The following COP1 variants were observed in gnomAD, a reference collection of about 807,000 sequenced individuals.
COP1 encodes COP1 E3 ubiquitin ligase, also known as E3 ubiquitin-protein ligase COP1.
Under a neutral mutation model 101.3 loss-of-function variants are expected in COP1, and 24 were observed. That is an observed-to-expected ratio of 0.24 (90% CI 0.17 to 0.33). The LOEUF is 0.33. Among genes scored for constraint, COP1 ranks in the 10% least tolerant of loss-of-function variants. COP1 has a pLI of 1.00. For synonymous variants in COP1, 347 were observed against 341.9 expected, an observed-to-expected ratio of 1.01 and a Z score of -0.17; for missense variants, 663 against 906.2, an observed-to-expected ratio of 0.73 and a Z score of 3.45.
At chr1:175,951,437 A>AAAATATATATATATATATATAT (rs1320545568) in intron 18 of COP1, among the ~76,000 whole-genome samples, 3 of 108,020 alleles carry the variant, frequency 2.8e-5, no homozygotes, top group Non-Finnish European at 5.8e-5. Context: ...AAGATACGTG[A>AAAATATATATATATATATATAT]ATATATATAT....
chr1:176,189,353 TTTCA>T (rs1195428634), intron 1 of COP1, among the ~76,000 whole-genome samples: 2 of 152,100 alleles, frequency 1.3e-5, no homozygotes, highest in Non-Finnish European at 2.9e-5. Flanking sequence ...TCTGGCTTGC[TTTCA>T]TTGTTTCTAG....
chr1:176,074,427 T>C (rs923397956), intron 11 of COP1, among the ~76,000 whole-genome samples: 2 of 152,136 alleles, frequency 1.3e-5, no homozygotes, highest in African/African-American at 2.4e-5. Flanking sequence ...TCATCTCTCA[T>C]GCCTAAGAAA....
chr1:176,173,806 G>A lies in COP1; in HGVS notation c.565+2104C>T, dbSNP rs568686400. On this transcript the variant is annotated intron_variant, in intron 3 of 19. Transcript: ENST00000367669. ...AGTTCGAGACCAGCCTATCCAACATGGTGAAACCCCGTCTCTACTAAAAAC... is the reference window on the plus strand; with the variant it reads ...AGTTCGAGACCAGCCTATCCAACATAGTGAAACCCCGTCTCTACTAAAAAC... 6.6e-5 allele frequency among the ~76,000 whole-genome samples: 10 copies of A among 151,550 alleles called. No individual in the cohort carries two copies. The South Asian group carries it at 2.1e-3, about 32-fold the overall frequency.
At position 176,027,674 on chromosome 1, in the gene COP1, T is replaced by C; in HGVS notation, c.1627A>G (p.Thr543Ala). The change falls in exon 15 of 20, where the codon ACC becomes GCC. Residue 543 changes from threonine (T) to alanine (A), a missense_variant. Thr to Ala is a moderately conservative substitution (Grantham distance 58). This residue lies in a region of COP1 where 209 missense variants were observed against 383.3 expected (regional missense o/e 0.55). Coordinates refer to ENST00000367669, the MANE Select transcript of COP1 (RefSeq NM_022457.7). ...SDDAKVKLWS[T>A]NLDNSVASIE... ...CTTGCCACTGAGTTGTCTAGATTGG[T>C]AGACCACAGCTTCACTAAGGGCAAA... The C allele has an allele frequency of 6.2e-7, 1 of 1,608,000 alleles. No homozygotes were observed. The highest frequency in any genetic ancestry group is 1.1e-5 in the South Asian group (1 of 90,908).
At chr1:175,964,710 T>G (rs1651784435) in intron 18 of COP1, among the ~76,000 whole-genome samples, 1 of 152,244 alleles carries the variant, frequency 6.6e-6, no homozygotes, top group Admixed American at 6.5e-5. Context: ...GGTAAATCAC[T>G]ATGAACAACA....
At chr1:176,137,933 G>A (rs535315850) in intron 6 of COP1, among the ~76,000 whole-genome samples, 3 of 152,132 alleles carry the variant, frequency 2.0e-5, no homozygotes, top group Non-Finnish European at 4.4e-5. Flanking sequence ...CAGTCTAGGG[G>A]AGATGGCAAA....
At chr1:176,012,340 G>A (rs1664834154) in intron 15 of COP1, among the ~76,000 whole-genome samples, 1 of 152,132 alleles carries the variant, frequency 6.6e-6, no homozygotes, top group African/African-American at 2.4e-5. Context: ...TGACTTGGCT[G>A]ATCTTGAACT....
intron 11 of COP1, among the ~76,000 whole-genome samples, chr1:176,052,821 T>C (rs958725985): frequency 4.6e-5 from 7 of 152,184 alleles, no homozygotes; most frequent in Non-Finnish European, 7.4e-5. Context: ...ACATCATATA[T>C]ACTGATTTGC....
intron 15 of COP1, among the ~76,000 whole-genome samples, chr1:176,007,380 C>A (rs1295303963): frequency 6.6e-6 from 1 of 152,220 alleles, no homozygotes; most frequent in Non-Finnish European, 1.5e-5. Flanking sequence ...TGTTCCGTTG[C>A]TGGTGAGGAA....
chr1:176,151,361 G>GAAAGAAAGAAAAATAAAGAAAGAAAAAGA (rs1692487060), intron 5 of COP1, among the ~76,000 whole-genome samples: 1 of 56,806 alleles, frequency 1.8e-5, no homozygotes, highest in African/African-American at 4.5e-5. Context: ...GAAAAAGAAA[G>GAAAGAAAGAAAAATAAAGAAAGAAAAAGA]AAAGAAAGAA....
At chr1:176,159,443 G>C (rs78420545) in intron 5 of COP1, among the ~76,000 whole-genome samples, 1 of 152,100 alleles carries the variant, frequency 6.6e-6, no homozygotes, top group South Asian at 2.1e-4. Flanking sequence ...ATCCACAGAA[G>C]AGCAATCTGT....
At chr1:176,013,948 CATTG>C (rs1294530477) in intron 15 of COP1, among the ~76,000 whole-genome samples, 2 of 152,110 alleles carry the variant, frequency 1.3e-5, no homozygotes, top group Non-Finnish European at 2.9e-5. Flanking sequence ...ATTTTATAAT[CATTG>C]ATTAAGAGTT....
At chr1:176,074,446 T>C (rs1317703920) in intron 11 of COP1, among the ~76,000 whole-genome samples, 1 of 152,118 alleles carries the variant, frequency 6.6e-6, no homozygotes, top group South Asian at 2.1e-4. Context: ...AACTTTAAAA[T>C]TGGAATTTTT....
rs1355321390 is a variant in COP1 at position 176,056,298 on chromosome 1, AT to A, written c.1278-9975del. ...TTTGTATATGTGTTCTAGTTTGTTA[AT>A]TATGTTATTTAGGGCTTCTACAGTT... On this transcript the variant is annotated intron_variant, in intron 11 of 19. Transcript: ENST00000367669. 2.6e-5 allele frequency among the ~76,000 whole-genome samples: 4 copies of A among 152,272 alleles called. No individual in the cohort carries two copies. In the East Asian group the frequency reaches 7.7e-4, roughly 29 times the overall value.
intron 18 of COP1, 110 bp from the exon 19 acceptor site, chr1:175,947,349 T>C: frequency 1.3e-6 from 1 of 779,974 alleles, no homozygotes; most frequent in South Asian, 1.5e-5. Flanking sequence ...CTAAGACAAT[T>C]GAATCTAATA....
At chr1:176,172,758 T>A (rs1696277693) in intron 3 of COP1, among the ~76,000 whole-genome samples, 1 of 152,116 alleles carries the variant, frequency 6.6e-6, no homozygotes, top group African/African-American at 2.4e-5. Flanking sequence ...AAAAAACAAG[T>A]GATATTCCAC....
intron 3 of COP1, among the ~76,000 whole-genome samples, chr1:176,164,242 T>C (rs775527610): frequency 7.9e-5 from 12 of 152,190 alleles, no homozygotes; most frequent in Non-Finnish European, 1.8e-4. Flanking sequence ...TAACTGAGTA[T>C]CTACTATGAG....
chr1:176,151,490 T>C (rs1481088206), intron 5 of COP1, among the ~76,000 whole-genome samples: 1 of 152,214 alleles, frequency 6.6e-6, no homozygotes, highest in East Asian at 1.9e-4. Flanking sequence ...ACTTGTCCCA[T>C]CTGGTTCAGT....
intron 18 of COP1, among the ~76,000 whole-genome samples, chr1:175,971,299 T>C (rs1653190961): frequency 1.3e-5 from 2 of 152,226 alleles, no homozygotes; most frequent in African/African-American, 4.8e-5. Flanking sequence ...ATTTGTTATA[T>C]TTTGAGTCTT....
Sources: gnomAD v4.1 joint callset for allele counts (sites outside exome capture counted in the v4.1 genomes callset) on GRCh38, gnomAD v4.1.1 for gene constraint, gnomAD v4.1.1 regional missense constraint, MANE v1.5 for transcripts, NCBI Gene and HGNC (gene_info 2026-07-23, HGNC 2026-07-21) for gene names.